Variants in CACNA1C observed in about 807,000 individuals in gnomAD.
CACNA1C encodes voltage-dependent L-type calcium channel subunit alpha-1C.
In CACNA1C, 30 loss-of-function variants were observed where a neutral mutation model predicts 229.0. The ratio of observed to expected loss-of-function variants is 0.13; its 90% confidence interval spans 0.10 to 0.18. The LOEUF is 0.18. Among genes scored for constraint, CACNA1C ranks in the 10% least tolerant of loss-of-function variants. The probability of loss-of-function intolerance (pLI) is 1.00; values close to 1 mark genes in which losing one functional copy is unlikely to be tolerated. For synonymous variants in CACNA1C, 1,114 were observed against 1,132.5 expected (o/e 0.98, Z 0.33); for missense variants, 1,658 against 2,845.0 (o/e 0.58, Z 9.49).
rs546477509 is a variant in CACNA1C at position 2,380,094 on chromosome 12, C to T, written c.478-68882C>T. 1.1e-4 allele frequency among the ~76,000 whole-genome samples: 17 copies of T among 151,990 alleles called. No homozygotes were observed. The South Asian group carries it at 2.3e-3, about 20-fold the overall frequency. On this transcript the variant is annotated intron_variant, in intron 3 of 46. Transcript: ENST00000399655. ...TGGCACAGGTCCCCTGGTTCCCATC[C>T]CCACCCACGTGATGGTCAAGTCAGC...
In CACNA1C at chr12:2,688,736, C is replaced by T. The variant is rs1406099993; in HGVS notation, c.6074C>T (p.Pro2025Leu). ...SLMVPSQAGA[P>L]GRQFHGSASS... Reference sequence around the variant, plus strand: ...ATGGTGCCCAGCCAGGCTGGGGCCCCAGGGAGGCAGTTCCACGGCAGTGCC... The same window carrying T: ...ATGGTGCCCAGCCAGGCTGGGGCCCTAGGGAGGCAGTTCCACGGCAGTGCC... The change falls in exon 46 of 47, where the codon CCA becomes CTA. Residue 2025 changes from proline (P) to leucine (L), a missense_variant. Physicochemically the swap from Pro to Leu is moderately conservative, Grantham distance 98 (BLOSUM62 -3). Transcript: ENST00000399655. 1 of 1,593,058 alleles carries T rather than the reference C, an allele frequency of 6.3e-7. No homozygotes were observed. The highest frequency in any genetic ancestry group is 8.6e-7 in the Non-Finnish European group (1 of 1,169,060).
At chr12:2,271,007 T>C (rs1303204658) in intron 3 of CACNA1C, among the ~76,000 whole-genome samples, 1 of 152,134 alleles carries the variant, frequency 6.6e-6, no homozygotes, top group Non-Finnish European at 1.5e-5. Context: ...TAGGACAACG[T>C]GGATCTGTTT....
intron 9 of CACNA1C, among the ~76,000 whole-genome samples, chr12:2,535,479 G>GTC (rs2099851344): frequency 6.6e-6 from 1 of 151,402 alleles, no homozygotes; most frequent in Admixed American, 6.6e-5. Flanking sequence ...TGGGATGATC[G>GTC]CTTGATCCCA....
intron 4 of CACNA1C, among the ~76,000 whole-genome samples, chr12:2,454,298 T>G (rs557165589): frequency 2.6e-5 from 4 of 152,322 alleles, no homozygotes; most frequent in African/African-American, 9.6e-5. Flanking sequence ...CCCAATCCCA[T>G]GGCTATAGCC....
intron 9 of CACNA1C, among the ~76,000 whole-genome samples, chr12:2,535,777 ACT>A (rs1433512446): frequency 1.3e-5 from 2 of 151,526 alleles, no homozygotes; most frequent in Non-Finnish European, 2.9e-5. Flanking sequence ...TGGACCAAAG[ACT>A]CTGTCTGCCC....
intron 14 of CACNA1C, 147 bp from the exon 15 acceptor site, chr12:2,582,675 G>A: frequency 1.3e-6 from 1 of 750,314 alleles, no homozygotes; most frequent in Non-Finnish European, 2.2e-6. Flanking sequence ...GAGCCCCTGG[G>A]GAGGAGAATT....
chr12:2,325,331 G>A (rs1034629382), intron 3 of CACNA1C, among the ~76,000 whole-genome samples: 3 of 152,190 alleles, frequency 2.0e-5, no homozygotes, highest in Admixed American at 6.5e-5. Flanking sequence ...ATACCTGGTC[G>A]GGAAATAGTA....
chr12:2,203,626 G>A (rs1456281508), intron 3 of CACNA1C, among the ~76,000 whole-genome samples: 1 of 152,158 alleles, frequency 6.6e-6, no homozygotes, highest in African/African-American at 2.4e-5. Flanking sequence ...CGCATTCTTA[G>A]GAGGGTTTTC....
At chr12:2,078,438 G>T (rs2064071115) in intron 1 of CACNA1C, among the ~76,000 whole-genome samples, 1 of 152,212 alleles carries the variant, frequency 6.6e-6, no homozygotes, top group South Asian at 2.1e-4. Flanking sequence ...CTACAACGGG[G>T]ATGAACCTTG....
intron 1 of CACNA1C, among the ~76,000 whole-genome samples, chr12:2,019,022 C>T (rs1056075739): frequency 2.6e-5 from 4 of 152,132 alleles, no homozygotes; most frequent in Non-Finnish European, 4.4e-5. Context: ...ATGGGATTCT[C>T]ATGGCTGCTG....
At chr12:2,663,746 T>A (rs1205994704) in intron 34 of CACNA1C, among the ~76,000 whole-genome samples, 3 of 144,848 alleles carry the variant, frequency 2.1e-5, no homozygotes, top group Admixed American at 1.4e-4. Context: ...TTTTTTTTTT[T>A]TTTTTTTTTT....
chr12:2,424,558 C>T (rs1460023733), intron 3 of CACNA1C, among the ~76,000 whole-genome samples: 1 of 152,206 alleles, frequency 6.6e-6, no homozygotes, highest in Non-Finnish European at 1.5e-5. Context: ...TTGCAGAAAG[C>T]TCAGGCCTGG....
rs112455896 is a variant in CACNA1C at position 2,082,046 on chromosome 12, G to C, written c.49+28435G>C. ...GTAAGAAAACAGGGGGGACAGGGGG[G>C]ATATTCACTTCAGTGCTGCCATCAC... On this transcript the variant is annotated intron_variant, in intron 1 of 46. Transcript: ENST00000399655. Among the ~76,000 whole-genome samples the C allele has an allele frequency of 2.8e-3, 419 of 152,198 alleles. 4 individuals are homozygous for C. Among genetic ancestry groups the C allele is most frequent in the African/African-American group, 9.5e-3 (396 of 41,512 alleles).
chr12:2,284,061 A>G (rs2092148753), intron 3 of CACNA1C, among the ~76,000 whole-genome samples: 1 of 152,170 alleles, frequency 6.6e-6, no homozygotes, highest in Non-Finnish European at 1.5e-5. Flanking sequence ...ACGTCTTTCA[A>G]CAACTCTTAA....
Position 2,091,504 on chromosome 12 carries a change from G to C in CACNA1C, c.50-23720G>C, listed in dbSNP as rs549398147. 1.5e-4 allele frequency among the ~76,000 whole-genome samples: 23 copies of C among 152,256 alleles called. No individual in the cohort carries two copies. In the East Asian group the frequency reaches 2.5e-3, roughly 17 times the overall value. On this transcript the variant is annotated intron_variant, in intron 1 of 46. Transcript: ENST00000399655. Reference sequence around the variant, plus strand: ...GCTCTAGAGAATGCCCACATTCCTTGGCTCATGGCCCTCTCCTCTACCTGC... The same window carrying C: ...GCTCTAGAGAATGCCCACATTCCTTCGCTCATGGCCCTCTCCTCTACCTGC...
intron 3 of CACNA1C, among the ~76,000 whole-genome samples, chr12:2,178,938 T>TG (rs2096749637): frequency 6.6e-6 from 1 of 152,276 alleles, no homozygotes; most frequent in Admixed American, 6.5e-5. Flanking sequence ...GACAGGCGCT[T>TG]GCAGTCCCAG....
chr12:2,460,066 T>G (rs1331391642), intron 5 of CACNA1C, among the ~76,000 whole-genome samples: 1 of 152,218 alleles, frequency 6.6e-6, no homozygotes, highest in Non-Finnish European at 1.5e-5. Flanking sequence ...GCTGCAGCTC[T>G]TCTGCACTCA....
chr12:2,214,465 T>C (rs2059453296), intron 3 of CACNA1C, among the ~76,000 whole-genome samples: 1 of 152,162 alleles, frequency 6.6e-6, no homozygotes. Context: ...GTGTGGTCAT[T>C]ATTCAGTCTT....
At chr12:2,398,734 G>T (rs1313808756) in intron 3 of CACNA1C, among the ~76,000 whole-genome samples, 2 of 152,206 alleles carry the variant, frequency 1.3e-5, no homozygotes, top group African/African-American at 4.8e-5. Flanking sequence ...GATGTGTGGG[G>T]TCTAAAGATG....
Sources: allele counts gnomAD v4.1 joint callset (sites outside exome capture counted in the v4.1 genomes callset), GRCh38; gene constraint gnomAD v4.1.1; transcripts MANE v1.5; gene names NCBI Gene and HGNC (gene_info 2026-07-23, HGNC 2026-07-21).